Variants in SETD4 observed in about 807,000 individuals in gnomAD.
SETD4 encodes SET domain-containing protein 4.
SETD4 carries 46 observed loss-of-function variants against 58.3 expected under a neutral mutation model. The observed-to-expected ratio is 0.79, with a 90% confidence interval of 0.62 to 1.01. The LOEUF (loss-of-function observed/expected upper bound fraction) is 1.01. Among genes scored for constraint, SETD4 ranks in the 50% least tolerant of loss-of-function variants. The pLI, the probability that SETD4 is intolerant of heterozygous loss-of-function variation, is 0.00. For missense variants in SETD4, 490 were observed against 523.3 expected, an observed-to-expected ratio of 0.94 and a Z score of 0.62; for synonymous variants, 190 against 202.6, an observed-to-expected ratio of 0.94 and a Z score of 0.53.
chr21:36,057,802 C>T (rs1465557659), intron 2 of SETD4, among the ~76,000 whole-genome samples: 2 of 152,094 alleles, frequency 1.3e-5, no homozygotes, highest in Admixed American at 6.5e-5. Flanking sequence ...GAGGTCCACA[C>T]GTAAATTTTT....
chr21:36,038,604 G>A (rs1427060047), intron 9 of SETD4, among the ~76,000 whole-genome samples: 1 of 152,216 alleles, frequency 6.6e-6, no homozygotes, highest in Non-Finnish European at 1.5e-5. Context: ...CGAAGCCAGT[G>A]ACAGAACAGG....
intron 5 of SETD4, among the ~76,000 whole-genome samples, chr21:36,048,083 A>AGGAG (rs1206371187): frequency 0.011 from 659 of 58,978 alleles, 13 homozygotes; most frequent in African/African-American, 0.041. Context: ...GAAGGAGGGA[A>AGGAG]GGAGGGAGGG....
At position 36,045,566 on chromosome 21, in the gene SETD4, CTT is replaced by C. The variant is rs1334978591; in HGVS notation, c.726+14_726+15del. 2 of 1,608,346 alleles carry C rather than the reference CTT, an allele frequency of 1.2e-6. No homozygotes were observed. The highest frequency in any genetic ancestry group is 2.7e-5 in the African/African-American group (2 of 74,806). ...CCTATCCAAATAGAATAGCTGCTCC[CTT>C]GTCAGCTTCTCACCTGGACATGTGG... is the stretch of plus-strand genomic sequence containing the variant. On this transcript the variant is annotated intron_variant, in intron 6 of 11. Transcript: ENST00000332131.
chr21:36,043,874 A>T lies in SETD4; in HGVS notation c.809T>A (p.Ile270Asn). The T allele has an allele frequency of 1.2e-6, 2 of 1,614,250 alleles. No homozygotes were observed. Among genetic ancestry groups the T allele is most frequent in the Non-Finnish European group, 1.7e-6 (2 of 1,180,034 alleles). The change falls in exon 7 of 12, where the codon ATC becomes AAC. Residue 270 changes from isoleucine (I) to asparagine (N), a missense_variant. Coordinates refer to ENST00000332131, the MANE Select transcript of SETD4 (RefSeq NM_017438.5). The stretch of plus-strand genomic sequence containing the variant: ...TTGATTATCGTGAGGGCCGTAACAG[A>T]TGAATACCTCTTCATGCTTTCTCCA... ...SRWRKHEEVF[I>N]CYGPHDNQRL...
rs759304062 is a variant in SETD4, at chr21:36,045,812, C to T, written c.496G>A (p.Val166Met). The change falls in exon 6 of 12, where the codon GTG (valine) becomes ATG (methionine). Residue 166 changes from valine (V) to methionine (M), a missense_variant. Val to Met is a conservative substitution (Grantham distance 21, BLOSUM62 1). Transcript: ENST00000332131. ...KAKAEEQRAH[V>M]QEFFASSRDF... Reference sequence around the variant, plus strand: ...CTGGAGGAAGCAAAGAACTCCTGCACGTGGGCTCTCTGCTCTTCAGCCTTT... The same window carrying T: ...CTGGAGGAAGCAAAGAACTCCTGCATGTGGGCTCTCTGCTCTTCAGCCTTT... 2.1e-5 allele frequency: 34 copies of T among 1,614,070 alleles called. No homozygotes were observed. The East Asian group carries it at 3.1e-4, about 15-fold the overall frequency.
rs756496710 is a variant in SETD4, at chr21:36,038,245, C to T, written c.1093G>A (p.Glu365Lys). Residue 365 changes from glutamate to lysine, a missense_variant, in exon 10 of 12, where the codon GAG becomes AAG. Physicochemically the swap from Glu to Lys is moderately conservative, Grantham distance 56. Transcript: ENST00000332131. Reference sequence around the variant, plus strand: ...TTCTCATTCGTATCTGAAATTACCTCCCCAAGAAGTACTTTTTTCCAGCAT... The same window carrying T: ...TTCTCATTCGTATCTGAAATTACCTTCCCAAGAAGTACTTTTTTCCAGCAT... The part of the protein sequence containing the change: ...FTCWKKVLLG[E>K]VISDTNEKTS... The T allele has an allele frequency of 5.0e-6, 8 of 1,613,550 alleles. No individual in the cohort carries two copies. The highest frequency in any genetic ancestry group is 6.8e-6 in the Non-Finnish European group (8 of 1,179,932).
intron 9 of SETD4, among the ~76,000 whole-genome samples, chr21:36,039,833 C>T (rs1015509774): frequency 3.3e-5 from 5 of 152,244 alleles, no homozygotes; most frequent in Non-Finnish European, 5.9e-5. Flanking sequence ...ATCATCTCAT[C>T]CAAAAGAAGA....
chr21:36,041,672 T>C (rs1260249149), intron 8 of SETD4, 135 bp downstream of exon 8: 15 of 618,706 alleles, frequency 2.4e-5, no homozygotes, highest in East Asian at 9.0e-5. Context: ...TTACTGCACA[T>C]AGTAAGTGCT....
At chr21:36,050,045 G>A (rs942617878) in intron 4 of SETD4, among the ~76,000 whole-genome samples, 7 of 152,146 alleles carry the variant, frequency 4.6e-5, no homozygotes, top group Non-Finnish European at 1.0e-4. Flanking sequence ...TTATGGATTC[G>A]TGGGCTGCTT....
At chr21:36,043,386 A>C in intron 7 of SETD4, 1 of 815,154 alleles carries the variant, frequency 1.2e-6, no homozygotes, top group Non-Finnish European at 1.5e-6. Context: ...CTCTGTGATT[A>C]ACACAGTGTC....
Position 36,041,896 on chromosome 21 carries a change from C to CAAAAAA in SETD4, c.902-14_902-9dup. On this transcript the variant is annotated splice_polypyrimidine_tract_variant and intron_variant, in intron 7 of 11. Transcript: ENST00000332131. ...GATATTTAACAAGTATTTCTATATT[C>CAAAAAA]AAAAAAAAAAATCAGACTGTTAGGG... The CAAAAAA allele has an allele frequency of 8.5e-7, 1 of 1,181,222 alleles. No homozygotes were observed. Among genetic ancestry groups the CAAAAAA allele is most frequent in the Non-Finnish European group, 1.2e-6 (1 of 865,662 alleles). 73.2% of individuals were successfully genotyped at this position (1,181,222 alleles called of 1,614,324 possible).
At chr21:36,048,717 CTTTTT>C (rs5843739) in intron 4 of SETD4, among the ~76,000 whole-genome samples, 1 of 129,770 alleles carries the variant, frequency 7.7e-6, no homozygotes, top group Admixed American at 8.1e-5. Context: ...TGTTTCTTCA[CTTTTT>C]TTTTTTTTTT....
chr21:36,037,889 G>A (rs576177452), intron 10 of SETD4, among the ~76,000 whole-genome samples: 5 of 152,032 alleles, frequency 3.3e-5, no homozygotes, highest in African/African-American at 9.7e-5. Flanking sequence ...CCAGCTACCC[G>A]GGAGGCTGAG....
chr21:36,046,107 A>C, intron 5 of SETD4, 96 bp from the exon 6 acceptor site: 8 of 1,269,154 alleles, frequency 6.3e-6, no homozygotes, highest in Non-Finnish European at 8.7e-6. Context: ...AGTGTGTTCA[A>C]ACTGTCAACA....
chr21:36,036,589 A>G (rs1000519106), intron 10 of SETD4: 9 of 940,854 alleles, frequency 9.6e-6, no homozygotes, highest in African/African-American at 7.1e-5. Context: ...TTCATTTCCA[A>G]TAATGTCTTC....
chr21:36,057,096 G>A lies in SETD4; in HGVS notation c.169+13C>T, dbSNP rs778550613. The A allele has an allele frequency of 1.2e-6, 2 of 1,611,026 alleles. No homozygotes were observed. The highest frequency in any genetic ancestry group is 1.3e-5 in the African/African-American group (1 of 74,860). ...TGTGGGAAAGGGCAGGACAGCTGAAGGCTAGATCTTACCTGGAAAACAAGC... is the reference window on the plus strand; with the variant it reads ...TGTGGGAAAGGGCAGGACAGCTGAAAGCTAGATCTTACCTGGAAAACAAGC... On this transcript the variant is annotated intron_variant, in intron 3 of 11. Coordinates refer to ENST00000332131, the MANE Select transcript of SETD4 (RefSeq NM_017438.5).
chr21:36,045,118 C>G (rs565134056), intron 6 of SETD4, among the ~76,000 whole-genome samples: 1 of 152,198 alleles, frequency 6.6e-6, no homozygotes, highest in South Asian at 2.1e-4. Context: ...CAAAGAGGAA[C>G]AAGACAAAGA....
intron 10 of SETD4, chr21:36,036,474 A>AC (rs759943472): frequency 3.3e-5 from 10 of 304,594 alleles, no homozygotes; most frequent in Non-Finnish European, 4.8e-5. Context: ...TCTTCCCCAA[A>AC]CCCCCCGTCA....
chr21:36,058,697 G>A, intron 2 of SETD4, 119 bp downstream of exon 2: 1 of 1,181,826 alleles, frequency 8.5e-7, no homozygotes, highest in Admixed American at 2.6e-5. Context: ...CAGCCTGGGT[G>A]ACAGAGCGAG....
Sources: gnomAD v4.1 joint callset for allele counts (sites outside exome capture counted in the v4.1 genomes callset) on GRCh38, gnomAD v4.1.1 for gene constraint, MANE v1.5 for transcripts, NCBI Gene and HGNC (gene_info 2026-07-23, HGNC 2026-07-21) for gene names.